The following DENND1B variants were observed in gnomAD, a reference collection of about 807,000 sequenced individuals.
DENND1B encodes DENN domain containing 1B, also known as DENN domain-containing protein 1B.
In DENND1B, 59 loss-of-function variants were observed where a neutral mutation model predicts 90.1. The ratio of observed to expected loss-of-function variants is 0.65; its 90% CI spans 0.53 to 0.81. The LOEUF (loss-of-function observed/expected upper bound fraction) is 0.81, where lower values mean the gene tolerates loss of function less well. Among genes scored for constraint, DENND1B ranks in the 40% least tolerant of loss-of-function variants. DENND1B has a pLI of 0.00. For missense variants in DENND1B, 862 were observed against 912.6 expected, an observed-to-expected ratio of 0.94 and a Z score of 0.71; for synonymous variants, 337 against 324.6, an observed-to-expected ratio of 1.04 and a Z score of -0.41.
At chr1:197,622,899 G>C (rs371675146) in intron 10 of DENND1B, among the ~76,000 whole-genome samples, 1 of 151,092 alleles carries the variant, frequency 6.6e-6, no homozygotes, top group East Asian at 1.9e-4. Context: ...TGTATTTTGA[G>C]GGAGGAGAAA....
intron 2 of DENND1B, among the ~76,000 whole-genome samples, chr1:197,761,317 T>A (rs1045189832): frequency 2.0e-5 from 3 of 152,142 alleles, no homozygotes; most frequent in Non-Finnish European, 4.4e-5. Context: ...CTAAATATTA[T>A]ATTACTTCCT....
At chr1:197,778,978 AC>A (rs902571834), upstream of DENND1B, among the ~76,000 whole-genome samples, 9 of 151,750 alleles carry the variant, frequency 5.9e-5, no homozygotes, top group Non-Finnish European at 1.0e-4. Flanking sequence ...AACCTCTAAA[AC>A]CCCCTCAAAA....
chr1:197,576,931 G>A (rs1453088542), intron 15 of DENND1B, among the ~76,000 whole-genome samples: 1 of 152,056 alleles, frequency 6.6e-6, no homozygotes, highest in Non-Finnish European at 1.5e-5. Flanking sequence ...TATTAAATAA[G>A]TTTCCTAACA....
At chr1:197,758,165 C>T (rs188724649) in intron 2 of DENND1B, among the ~76,000 whole-genome samples, 29 of 152,270 alleles carry the variant, frequency 1.9e-4, no homozygotes, top group Admixed American at 1.2e-3. Context: ...CTGTCAGATT[C>T]GGTACTACAA....
intron 10 of DENND1B, among the ~76,000 whole-genome samples, chr1:197,632,965 A>T (rs1679463665): frequency 6.6e-6 from 1 of 152,200 alleles, no homozygotes; most frequent in Non-Finnish European, 1.5e-5. Context: ...TGCATGCCTA[A>T]AGTAAAAGTT....
rs368753746 is a variant in DENND1B at position 197,551,113 on chromosome 1, C to CACACACA, written c.1240+1908_1240+1909insTGTGTGT. On this transcript the variant is annotated intron_variant, in intron 16 of 22. Coordinates refer to ENST00000620048, the MANE Select transcript of DENND1B (RefSeq NM_001195215.2). Reference sequence around the variant, plus strand: ...CACACACACACACACACACACACACCCCCTAGATAGATGGATATCTTCTAA... The same window carrying CACACACA: ...CACACACACACACACACACACACACCACACACACCCTAGATAGATGGATATCTTCTAA... 2.8e-3 allele frequency among the ~76,000 whole-genome samples: 139 copies of CACACACA among 49,328 alleles called. No homozygotes were observed. The East Asian group carries it at 0.069, about 24-fold the overall frequency. The allele number at this position is 49,328 out of a possible 152,430, so 32.4% of individuals were successfully genotyped here. A position where few individuals can be genotyped will look rare whatever the true frequency, so the allele number is the denominator to read the frequency against.
intron 5 of DENND1B, among the ~76,000 whole-genome samples, chr1:197,665,002 T>C (rs956415851): frequency 5.9e-5 from 9 of 152,138 alleles, no homozygotes; most frequent in Non-Finnish European, 1.3e-4. Flanking sequence ...TTTGCTAGCA[T>C]ATGAAACAAT....
At chr1:197,718,904 G>GTA (rs1660894585) in intron 2 of DENND1B, among the ~76,000 whole-genome samples, 1 of 152,152 alleles carries the variant, frequency 6.6e-6, no homozygotes, top group Non-Finnish European at 1.5e-5. Context: ...GAAGCAGACA[G>GTA]TAGTATAAAT....
intron 2 of DENND1B, among the ~76,000 whole-genome samples, chr1:197,725,317 T>C (rs1571512033): frequency 6.6e-6 from 1 of 152,130 alleles, no homozygotes; most frequent in South Asian, 2.1e-4. Flanking sequence ...TAATATACTC[T>C]ACAACTTAAG....
chr1:197,773,823 T>C (rs546680575), intron 1 of DENND1B, among the ~76,000 whole-genome samples: 1 of 152,344 alleles, frequency 6.6e-6, no homozygotes, highest in African/African-American at 2.4e-5. Context: ...AAAGATTAAG[T>C]CTGTTACCAC....
intron 15 of DENND1B, among the ~76,000 whole-genome samples, chr1:197,580,258 ATTTT>A (rs36028786): frequency 2.7e-5 from 3 of 113,184 alleles, no homozygotes; most frequent in African/African-American, 1.0e-4. Context: ...CGCCCAGCTA[ATTTT>A]TTTTTTTTTT....
chr1:197,540,136 TTAATAAACAAAGTATCTGATATACA>T, intron 19 of DENND1B, 65 bp from the exon 20 acceptor site: 1 of 1,126,494 alleles, frequency 8.9e-7, no homozygotes, highest in Non-Finnish European at 1.3e-6. Context: ...ACGTATTAGA[TTAATAAACAAAGTATCTGATATACA>T]TACAAGTAGC....
At chr1:197,627,248 T>G (rs1004294011) in intron 10 of DENND1B, among the ~76,000 whole-genome samples, 1 of 152,082 alleles carries the variant, frequency 6.6e-6, no homozygotes, top group African/African-American at 2.4e-5. Context: ...TAGACCAATA[T>G]CCTTGATGAA....
At chr1:197,661,068 G>A (rs1034291476) in intron 5 of DENND1B, among the ~76,000 whole-genome samples, 1 of 151,928 alleles carries the variant, frequency 6.6e-6, no homozygotes, top group African/African-American at 2.4e-5. Context: ...GAAAAATCTG[G>A]ACAGGTATGT....
At chr1:197,626,211 G>T (rs891453844) in intron 10 of DENND1B, among the ~76,000 whole-genome samples, 4 of 152,002 alleles carry the variant, frequency 2.6e-5, no homozygotes, top group African/African-American at 9.7e-5. Flanking sequence ...CAAATCAACA[G>T]AATATACATT....
intron 10 of DENND1B, among the ~76,000 whole-genome samples, chr1:197,642,235 C>G (rs960294258): frequency 1.3e-5 from 2 of 151,980 alleles, no homozygotes; most frequent in Non-Finnish European, 1.5e-5. Context: ...TATTATCAGC[C>G]CAAAGAGCTG....
chr1:197,568,940 G>A (rs1446421264), intron 15 of DENND1B, among the ~76,000 whole-genome samples: 5 of 152,018 alleles, frequency 3.3e-5, no homozygotes, highest in East Asian at 3.9e-4. Flanking sequence ...CACAGGCAAC[G>A]AAAGCAAAAA....
At chr1:197,586,580 T>C (rs1002952866) in intron 14 of DENND1B, among the ~76,000 whole-genome samples, 1 of 152,196 alleles carries the variant, frequency 6.6e-6, no homozygotes, top group African/African-American at 2.4e-5. Flanking sequence ...TAAAATGACA[T>C]TATTTATTAG....
rs367655704 is a variant in DENND1B, at chr1:197,643,315, C to T, written c.562-494G>A. Among the ~76,000 whole-genome samples the T allele has an allele frequency of 8.3e-4, 126 of 152,018 alleles. 1 individual carries two copies. The highest frequency in any genetic ancestry group is 2.8e-3 in the African/African-American group (118 of 41,462). On this transcript the variant is annotated intron_variant, in intron 9 of 22. Coordinates refer to ENST00000620048, the MANE Select transcript of DENND1B (RefSeq NM_001195215.2). ...GATTACAGGTGCACGCCACCACATC[C>T]GGCTAATTTTTGTATTTTTAGTAGA...
Sources: gnomAD v4.1 joint callset for allele counts (sites outside exome capture counted in the v4.1 genomes callset) on GRCh38, gnomAD v4.1.1 for gene constraint, MANE v1.5 for transcripts, NCBI Gene and HGNC (gene_info 2026-07-23, HGNC 2026-07-21) for gene names.